The following SCAPER variants were observed in gnomAD, a reference collection of about 807,000 sequenced individuals.
SCAPER encodes S-phase cyclin A associated protein in the ER.
In SCAPER, 98 loss-of-function variants were observed where a neutral mutation model predicts 182.2. The ratio of observed to expected loss-of-function variants is 0.54; its 90% CI spans 0.46 to 0.64. The LOEUF is 0.64. SCAPER is among the 30% of genes least tolerant of loss of function. The pLI is 0.00. For synonymous variants in SCAPER, 605 were observed against 564.6 expected, an observed-to-expected ratio of 1.07 and a Z score of -1.01; for missense variants, 1,432 against 1,690.0, an observed-to-expected ratio of 0.85 and a Z score of 2.68.
chr15:76,708,768 A>G (rs2150848116), intron 17 of SCAPER, among the ~76,000 whole-genome samples: 1 of 152,298 alleles, frequency 6.6e-6, no homozygotes, highest in Admixed American at 6.5e-5. Flanking sequence ...TTCCAAAATT[A>G]AGAATGAAAA....
Position 76,354,234 on chromosome 15 carries a change from G to T in SCAPER, c.3856-94C>A. ...TGTCGGCTAGTACCATGGAAAACAT[G>T]CTGAAGGAGTGTAAAGAAAAAGACT... is the stretch of plus-strand genomic sequence containing the variant. On this transcript the variant is annotated intron_variant, in intron 29 of 31. Transcript: ENST00000563290. The surrounding 1 kb of genome is among the most constrained non-coding windows in gnomAD (Gnocchi z 4.4). 8.6e-7 allele frequency: 1 copy of T among 1,165,280 alleles called. No homozygotes were observed. The highest frequency in any genetic ancestry group is 1.2e-6 in the Non-Finnish European group (1 of 844,870). The allele number at this position is 1,165,280 out of a possible 1,614,324, so 72.2% of individuals were successfully genotyped here. A position where few individuals can be genotyped will look rare whatever the true frequency, so the allele number is the denominator to read the frequency against.
chr15:76,444,736 T>C (rs1175305355), intron 25 of SCAPER, among the ~76,000 whole-genome samples: 3 of 152,242 alleles, frequency 2.0e-5, no homozygotes, highest in Non-Finnish European at 4.4e-5. Context: ...CCCATGAGTC[T>C]GGTGACATGA....
At chr15:76,408,723 G>A (rs977305051) in intron 26 of SCAPER, among the ~76,000 whole-genome samples, 31 of 151,494 alleles carry the variant, frequency 2.0e-4, no homozygotes, top group African/African-American at 7.5e-4. Flanking sequence ...AAGCAAAGAC[G>A]GCTGGAACAT....
rs890612396 is a variant in SCAPER, at chr15:76,443,941, A to C, written c.3079-9631T>G. Among the ~76,000 whole-genome samples the C allele has an allele frequency of 5.3e-5, 8 of 152,376 alleles. No homozygotes were observed. The East Asian group carries it at 1.5e-3, about 29-fold the overall frequency. On this transcript the variant is annotated intron_variant, in intron 25 of 31. Coordinates refer to ENST00000563290, the MANE Select transcript of SCAPER (RefSeq NM_020843.4). ...GCAAATGCGGACCAGTCAAGAGCAAAGATCATGGCAACATTTTGGGATGCT... is the reference window on the plus strand; with the variant it reads ...GCAAATGCGGACCAGTCAAGAGCAACGATCATGGCAACATTTTGGGATGCT...
In SCAPER at chr15:76,775,088, C is replaced by T. The variant is rs368484203; in HGVS notation, c.802G>A (p.Val268Ile). Reference sequence around the variant, plus strand: ...GAACGAATAGGCCTTCCTCTCTGAACGGTCTCCCATCCTTCAGCATCTTTC... The same window carrying T: ...GAACGAATAGGCCTTCCTCTCTGAATGGTCTCCCATCCTTCAGCATCTTTC... ...ERKDAEGWETVQRGRPIRSRS... is the reference protein window; with the variant it reads ...ERKDAEGWETIQRGRPIRSRS... Residue 268 changes from valine to isoleucine, a missense_variant, in exon 9 of 32, where the codon GTT (valine) becomes ATT (isoleucine). Transcript: ENST00000563290. 4.2e-5 allele frequency: 67 copies of T among 1,613,362 alleles called. No individual in the cohort carries two copies. Among genetic ancestry groups the T allele is most frequent in the African/African-American group, 1.2e-4 (9 of 74,894 alleles).
intron 26 of SCAPER, among the ~76,000 whole-genome samples, chr15:76,413,208 C>T (rs1026439447): frequency 6.6e-6 from 1 of 152,032 alleles, no homozygotes; most frequent in Non-Finnish European, 1.5e-5. Flanking sequence ...CCTTTACAAA[C>T]TTTATGCCTT....
chr15:76,355,848 A>C (rs2040923768), intron 29 of SCAPER, among the ~76,000 whole-genome samples: 2 of 152,234 alleles, frequency 1.3e-5, no homozygotes, highest in Non-Finnish European at 2.9e-5. Context: ...CCGTTTACAG[A>C]GCGAGTTTAC....
intron 8 of SCAPER, among the ~76,000 whole-genome samples, chr15:76,784,147 C>T (rs960532550): frequency 6.6e-6 from 1 of 152,168 alleles, no homozygotes; most frequent in African/African-American, 2.4e-5. Flanking sequence ...ATCGTCTCTG[C>T]CCAAAATCTC....
At chr15:76,389,994 T>C (rs1464445104) in intron 27 of SCAPER, among the ~76,000 whole-genome samples, 1 of 152,042 alleles carries the variant, frequency 6.6e-6, no homozygotes, top group Non-Finnish European at 1.5e-5. Context: ...TCTTGCTCTG[T>C]TGCCCAGGCT....
At chr15:76,608,559 T>C (rs1004675662) in intron 22 of SCAPER, among the ~76,000 whole-genome samples, 2 of 152,150 alleles carry the variant, frequency 1.3e-5, no homozygotes, top group Non-Finnish European at 2.9e-5. Context: ...GAGAGGGACA[T>C]TTAAGTCTGC....
chr15:76,648,884 C>A (rs1186036086), intron 21 of SCAPER, among the ~76,000 whole-genome samples: 5 of 152,198 alleles, frequency 3.3e-5, no homozygotes, highest in African/African-American at 4.8e-5. Flanking sequence ...TGCAGTAAGG[C>A]AGGCAACATG....
At chr15:76,425,748 T>C (rs915802612) in intron 26 of SCAPER, among the ~76,000 whole-genome samples, 3 of 152,230 alleles carry the variant, frequency 2.0e-5, no homozygotes, top group Non-Finnish European at 4.4e-5. Context: ...TTTGTGGTTT[T>C]ATCCACCTTT....
rs73450231 is a variant in SCAPER, at chr15:76,386,770, G to C, written c.3468-5155C>G. On this transcript the variant is annotated intron_variant, in intron 27 of 31. Transcript: ENST00000563290. Reference sequence around the variant, plus strand: ...AACAGCAAGAAGGCCAGTGTGGCTAGAGCGGGTTGAGTAAGTGGAAGAGTA... The same window carrying C: ...AACAGCAAGAAGGCCAGTGTGGCTACAGCGGGTTGAGTAAGTGGAAGAGTA... Among the ~76,000 whole-genome samples, 663 of 152,332 alleles carry C rather than the reference G, an allele frequency of 4.4e-3. 7 individuals are homozygous for C. Among genetic ancestry groups the C allele is most frequent in the African/African-American group, 0.015 (630 of 41,570 alleles).
At chr15:76,569,504 T>C (rs1428628624) in intron 23 of SCAPER, among the ~76,000 whole-genome samples, 1 of 152,166 alleles carries the variant, frequency 6.6e-6, no homozygotes, top group African/African-American at 2.4e-5. Flanking sequence ...TTACTTTCTA[T>C]AGTTTCACTG....
chr15:76,465,764 G>A (rs2049559309), intron 25 of SCAPER, among the ~76,000 whole-genome samples: 1 of 151,944 alleles, frequency 6.6e-6, no homozygotes, highest in Admixed American at 6.6e-5. Flanking sequence ...TAAGATAAGG[G>A]TCCCATATCA....
Position 76,720,328 on chromosome 15 carries a change from T to A in SCAPER, c.2165+8267A>T, listed in dbSNP as rs572978325. 7.6e-3 allele frequency among the ~76,000 whole-genome samples: 1,150 copies of A among 152,186 alleles called. 19 individuals carry two copies. Among genetic ancestry groups the A allele is most frequent in the African/African-American group, 0.026 (1,090 of 41,524 alleles). ...CACATTTTCTTAATCCAGTCTATCA[T>A]TGTTGGACATTTGGGTTGGTTCCAA... On this transcript the variant is annotated intron_variant, in intron 17 of 31. Coordinates refer to ENST00000563290, the MANE Select transcript of SCAPER (RefSeq NM_020843.4).
intron 15 of SCAPER, among the ~76,000 whole-genome samples, chr15:76,752,792 G>A (rs1232282092): frequency 6.6e-6 from 1 of 151,570 alleles, no homozygotes; most frequent in Non-Finnish European, 1.5e-5. Context: ...GAGTAATGAA[G>A]ATACATGGTG....
chr15:76,793,262 T>A, intron 8 of SCAPER: 1 of 1,012,210 alleles, frequency 9.9e-7, no homozygotes, highest in Non-Finnish European at 1.5e-6. Context: ...ATATTTGGTC[T>A]TCATCTCAAG....
chr15:76,895,293 C>T (rs939830021), intron 1 of SCAPER, among the ~76,000 whole-genome samples: 1 of 152,082 alleles, frequency 6.6e-6, no homozygotes, highest in Non-Finnish European at 1.5e-5. Context: ...ATGATCATCT[C>T]AATAAATGCA....
Sources: gnomAD v4.1 joint callset for allele counts (sites outside exome capture counted in the v4.1 genomes callset) on GRCh38, gnomAD v4.1.1 for gene constraint, Gnocchi (gnomAD v3.1) non-coding constraint, MANE v1.5 for transcripts, NCBI Gene and HGNC (gene_info 2026-07-23, HGNC 2026-07-21) for gene names.